Variants in PRDM6 observed in about 807,000 individuals in gnomAD.
PRDM6 encodes putative histone-lysine N-methyltransferase PRDM6.
In PRDM6, 25 loss-of-function variants were observed where a neutral mutation model predicts 60.8. The ratio of observed to expected loss-of-function variants is 0.41; its 90% CI spans 0.30 to 0.57. The LOEUF (loss-of-function observed/expected upper bound fraction) is 0.57. Among genes scored for constraint, PRDM6 ranks in the 20% least tolerant of loss-of-function variants. The pLI is 0.27. For synonymous variants in PRDM6, 407 were observed against 357.4 expected, an observed-to-expected ratio of 1.14 and a Z score of -1.57; for missense variants, 839 against 821.3, an observed-to-expected ratio of 1.02 and a Z score of -0.26.
intron 2 of PRDM6, among the ~76,000 whole-genome samples, chr5:123,097,979 G>T (rs1763995517): frequency 6.6e-6 from 1 of 152,212 alleles, no homozygotes; most frequent in South Asian, 2.1e-4. Flanking sequence ...GCTGGCTAGA[G>T]CCCCCTCCAG....
At chr5:123,090,784 C>T (rs1369776262) in intron 2 of PRDM6, among the ~76,000 whole-genome samples, 178 bp downstream of exon 2, 1 of 152,156 alleles carries the variant, frequency 6.6e-6, no homozygotes, top group Non-Finnish European at 1.5e-5. Flanking sequence ...AGTTTTCTGG[C>T]GTTGGAGAAG....
chr5:123,155,919 T>C lies in PRDM6; in HGVS notation c.936T>C (p.Ile312=). 2 of 1,551,606 alleles carry C rather than the reference T, an allele frequency of 1.3e-6. No individual in the cohort carries two copies. The highest frequency in any genetic ancestry group is 1.2e-5 in the South Asian group (1 of 84,066). ...AGGATGGGACACTACAGCACTTTATTGATGGTGGGGAACCTAGTAAGTCGA... is the reference window on the plus strand; with the variant it reads ...AGGATGGGACACTACAGCACTTTATCGATGGTGGGGAACCTAGTAAGTCGA... ...YDQDGTLQHF[I]DGGEPSKSSW... The change falls in exon 4 of 8, where the codon ATT becomes ATC. Residue 312 remains isoleucine, a synonymous_variant. Coordinates refer to ENST00000407847, the MANE Select transcript of PRDM6 (RefSeq NM_001136239.4).
intron 3 of PRDM6, among the ~76,000 whole-genome samples, chr5:123,148,840 T>C (rs1765308797): frequency 6.6e-6 from 1 of 152,174 alleles, no homozygotes; most frequent in Non-Finnish European, 1.5e-5. Context: ...TCTACATTTC[T>C]CTCTGATAGG....
At chr5:123,113,449 C>T (rs1036745013) in intron 3 of PRDM6, among the ~76,000 whole-genome samples, 2 of 152,146 alleles carry the variant, frequency 1.3e-5, no homozygotes, top group Non-Finnish European at 2.9e-5. Context: ...AATTTATTCT[C>T]ACAATGACAC....
At chr5:123,105,744 G>T (rs1764186721) in intron 3 of PRDM6, among the ~76,000 whole-genome samples, 1 of 152,094 alleles carries the variant, frequency 6.6e-6, no homozygotes, top group Non-Finnish European at 1.5e-5. Context: ...CATTAGTTCA[G>T]ACATTCCTTG....
intron 5 of PRDM6, among the ~76,000 whole-genome samples, chr5:123,165,845 G>A (rs577962850): frequency 4.6e-5 from 7 of 152,244 alleles, no homozygotes; most frequent in South Asian, 2.1e-4. Context: ...CCTTTAAAGC[G>A]TAAATCTGAT....
At chr5:123,111,748 T>C (rs1298076336) in intron 3 of PRDM6, among the ~76,000 whole-genome samples, 1 of 151,800 alleles carries the variant, frequency 6.6e-6, no homozygotes, top group Non-Finnish European at 1.5e-5. Context: ...TTCTCTTCCT[T>C]GCCCCTTGTG....
At chr5:123,161,358 G>T (rs892028959) in intron 5 of PRDM6, among the ~76,000 whole-genome samples, 1 of 152,214 alleles carries the variant, frequency 6.6e-6, no homozygotes, top group African/African-American at 2.4e-5. Context: ...ATTTTAATGG[G>T]GGGAGACAGA....
At chr5:123,174,435 G>A (rs335200) in intron 6 of PRDM6, among the ~76,000 whole-genome samples, 1 of 152,088 alleles carries the variant, frequency 6.6e-6, no homozygotes, top group African/African-American at 2.4e-5. Flanking sequence ...CTAGAACCAG[G>A]TACAAGAAAG....
At chr5:123,122,441 C>T (rs1002659780) in intron 3 of PRDM6, among the ~76,000 whole-genome samples, 2 of 152,088 alleles carry the variant, frequency 1.3e-5, no homozygotes, top group African/African-American at 2.4e-5. Flanking sequence ...TATTGGATTT[C>T]TCTGAAGCGG....
chr5:123,145,625 C>T (rs1765221655), intron 3 of PRDM6, among the ~76,000 whole-genome samples: 1 of 152,194 alleles, frequency 6.6e-6, no homozygotes, highest in East Asian at 1.9e-4. Context: ...TCATCTCTTG[C>T]ATAGTTGTCT....
chr5:123,153,244 T>G (rs568522801), intron 3 of PRDM6, among the ~76,000 whole-genome samples: 1 of 152,326 alleles, frequency 6.6e-6, no homozygotes, highest in South Asian at 2.1e-4. Context: ...TCATTTATTT[T>G]TTTCTCTGAT....
At chr5:123,153,901 C>G (rs1765433595) in intron 3 of PRDM6, among the ~76,000 whole-genome samples, 1 of 152,044 alleles carries the variant, frequency 6.6e-6, no homozygotes. Context: ...TCTCAAAATG[C>G]TTCATAATAA....
rs1471256508 is a variant in PRDM6 at position 123,193,743 on chromosome 5, G to A, written c.*6542G>A. 6.6e-6 allele frequency: 1 copy of A among 152,150 alleles called. No homozygotes were observed. The highest frequency in any genetic ancestry group is 2.4e-5 in the African/African-American group (1 of 41,436). The allele number at this position is 152,150 out of a possible 1,614,324, so 9.4% of individuals were successfully genotyped here. ...AAGGGGAAGACATCCAGTTCTGTAGGATGCTAATAGAAGTGTGATATTTAG... is the reference window on the plus strand; with the variant it reads ...AAGGGGAAGACATCCAGTTCTGTAGAATGCTAATAGAAGTGTGATATTTAG... On this transcript the variant is annotated 3_prime_UTR_variant, in exon 8 of 8. Coordinates refer to ENST00000407847, the MANE Select transcript of PRDM6 (RefSeq NM_001136239.4).
intron 5 of PRDM6, among the ~76,000 whole-genome samples, chr5:123,166,391 AC>A (rs1765753419): frequency 6.6e-6 from 1 of 152,012 alleles, no homozygotes. Context: ...CTTTTCTCTA[AC>A]AGCACTTACC....
intron 3 of PRDM6, among the ~76,000 whole-genome samples, chr5:123,133,867 G>A (rs1467341151): frequency 2.0e-5 from 3 of 151,130 alleles, no homozygotes; most frequent in Non-Finnish European, 1.5e-5. Flanking sequence ...TCCTTCTGTA[G>A]CATGTTAGAA....
chr5:123,105,469 T>C (rs554014691), intron 3 of PRDM6, among the ~76,000 whole-genome samples: 1 of 152,334 alleles, frequency 6.6e-6, no homozygotes, highest in African/African-American at 2.4e-5. Context: ...ATATCTATTG[T>C]GTTACCCAGA....
chr5:123,146,643 G>A (rs897570126), intron 3 of PRDM6, among the ~76,000 whole-genome samples: 15 of 152,104 alleles, frequency 9.9e-5, no homozygotes, highest in African/African-American at 2.7e-4. Context: ...TCACTGACAC[G>A]ACAAGGGATG....
At chr5:123,164,481 GAT>G (rs1384131385) in intron 5 of PRDM6, among the ~76,000 whole-genome samples, 1 of 152,178 alleles carries the variant, frequency 6.6e-6, no homozygotes, top group Non-Finnish European at 1.5e-5. Flanking sequence ...TATGAGGCTT[GAT>G]TTTGTACTAC....
Sources: allele counts gnomAD v4.1 joint callset (sites outside exome capture counted in the v4.1 genomes callset), GRCh38; gene constraint gnomAD v4.1.1; transcripts MANE v1.5; gene names NCBI Gene and HGNC (gene_info 2026-07-23, HGNC 2026-07-21).